The following FOXP2 variants were observed in gnomAD, a reference collection of about 807,000 sequenced individuals.
The protein encoded by FOXP2 is forkhead box protein P2.
In FOXP2, 12 loss-of-function variants were observed where a neutral mutation model predicts 115.8. The observed-to-expected ratio is 0.10, with a 90% CI of 0.07 to 0.17. The LOEUF (loss-of-function observed/expected upper bound fraction) is 0.17, where lower values mean the gene tolerates loss of function less well. FOXP2 is among the 10% of genes least tolerant of loss of function. FOXP2 has a pLI of 1.00. For synonymous variants in FOXP2, 328 were observed against 297.7 expected, an observed-to-expected ratio of 1.10 and a Z score of -1.05; for missense variants, 629 against 843.5, an observed-to-expected ratio of 0.75 and a Z score of 3.15.
chr7:114,234,259 G>A (rs1794955338), intron 1 of FOXP2, among the ~76,000 whole-genome samples: 1 of 152,164 alleles, frequency 6.6e-6, no homozygotes, highest in African/African-American at 2.4e-5. Flanking sequence ...CTCCTCTGTA[G>A]AGAGGTAGTC....
At chr7:114,451,637 G>C (rs759982514) in intron 2 of FOXP2, among the ~76,000 whole-genome samples, 2 of 151,984 alleles carry the variant, frequency 1.3e-5, no homozygotes, top group Non-Finnish European at 2.9e-5. Flanking sequence ...TGCCCGCTTT[G>C]AGCTTACAAC....
intron 3 of FOXP2, among the ~76,000 whole-genome samples, chr7:114,597,065 G>C (rs561134129): frequency 1.7e-4 from 26 of 151,892 alleles, no homozygotes; most frequent in Non-Finnish European, 2.9e-4. Flanking sequence ...GAAAAAATTG[G>C]GGGCTCTTCT....
At chr7:114,506,385 G>A (rs1797819455) in intron 2 of FOXP2, among the ~76,000 whole-genome samples, 1 of 151,418 alleles carries the variant, frequency 6.6e-6, no homozygotes, top group Non-Finnish European at 1.5e-5. Context: ...TAAAACTGAG[G>A]TCTTAATCAT....
chr7:114,466,664 A>G (rs1795811959), intron 2 of FOXP2, among the ~76,000 whole-genome samples: 1 of 152,112 alleles, frequency 6.6e-6, no homozygotes, highest in Non-Finnish European at 1.5e-5. Flanking sequence ...AATCTTAAAC[A>G]TGGAACACTT....
intron 2 of FOXP2, among the ~76,000 whole-genome samples, chr7:114,480,659 G>A (rs576906861): frequency 8.0e-5 from 12 of 149,198 alleles, no homozygotes; most frequent in East Asian, 5.9e-4. Context: ...GTGTGTATAC[G>A]TATATACATG....
At chr7:114,555,690 G>C (rs569696589) in intron 3 of FOXP2, among the ~76,000 whole-genome samples, 1 of 152,104 alleles carries the variant, frequency 6.6e-6, no homozygotes, top group African/African-American at 2.4e-5. Context: ...CCAGCTACAC[G>C]GGAGGCTGAG....
At chr7:114,195,713 G>A (rs1219974244) in intron 1 of FOXP2, among the ~76,000 whole-genome samples, 2 of 151,908 alleles carry the variant, frequency 1.3e-5, no homozygotes, top group Non-Finnish European at 2.9e-5. Flanking sequence ...TCTTCCTAGG[G>A]TTATATTGGT....
chr7:114,151,611 T>A (rs1792530931), intron 1 of FOXP2, among the ~76,000 whole-genome samples: 1 of 152,126 alleles, frequency 6.6e-6, no homozygotes, highest in Non-Finnish European at 1.5e-5. Context: ...GTTCTTTTAT[T>A]TATAATTCAG....
At chr7:114,609,861 T>A (rs1302578098) in intron 3 of FOXP2, among the ~76,000 whole-genome samples, 2 of 152,250 alleles carry the variant, frequency 1.3e-5, no homozygotes, top group Non-Finnish European at 2.9e-5. Flanking sequence ...ATTTACCTTC[T>A]ATTTGAATTT....
intron 2 of FOXP2, among the ~76,000 whole-genome samples, chr7:114,335,399 A>C (rs542377096): frequency 6.6e-6 from 1 of 152,054 alleles, no homozygotes; most frequent in East Asian, 1.9e-4. Flanking sequence ...TTTAGATCAC[A>C]AAGAAACAAT....
chr7:114,589,416 A>G (rs1458267735), intron 3 of FOXP2, among the ~76,000 whole-genome samples: 1 of 152,188 alleles, frequency 6.6e-6, no homozygotes, highest in Non-Finnish European at 1.5e-5. Flanking sequence ...GTTTCACCTT[A>G]GGATCTTCAC....
Position 114,169,013 on chromosome 7 carries a change from C to T in FOXP2, c.-102+5925C>T, listed in dbSNP as rs146248315. ...TCAAGAATTGGGGTTTGGGAACCTC[C>T]GCCTAGATGTCAGAGGACGTGTGGA... On this transcript the variant is annotated intron_variant, in intron 1 of 17. Transcript: ENST00000634411. Among the ~76,000 whole-genome samples the T allele has an allele frequency of 2.7e-3, 408 of 152,304 alleles. 2 individuals carry two copies. Among genetic ancestry groups the T allele is most frequent in the Non-Finnish European group, 3.7e-3 (251 of 68,016 alleles).
chr7:114,236,496 A>G (rs1795009656), intron 1 of FOXP2, among the ~76,000 whole-genome samples: 1 of 152,242 alleles, frequency 6.6e-6, no homozygotes, highest in African/African-American at 2.4e-5. Context: ...TTCTACTTCG[A>G]ATTGTAAATG....
intron 2 of FOXP2, among the ~76,000 whole-genome samples, chr7:114,526,172 T>TAAA (rs3028251): frequency 0.38 from 29,803 of 79,300 alleles, 6,080 homozygotes; most frequent in Admixed American, 0.44. Context: ...GTTTCTTTAT[T>TAAA]AAAAAAAAAA....
At chr7:114,379,919 G>A (rs1022614104) in intron 2 of FOXP2, among the ~76,000 whole-genome samples, 4 of 152,076 alleles carry the variant, frequency 2.6e-5, no homozygotes, top group East Asian at 3.9e-4. Flanking sequence ...TTCCTTCTTC[G>A]GTGGCTAGCC....
intron 2 of FOXP2, among the ~76,000 whole-genome samples, chr7:114,399,133 CAGAG>C (rs935358692): frequency 7.3e-6 from 1 of 137,362 alleles, no homozygotes; most frequent in Non-Finnish European, 1.5e-5. Flanking sequence ...TTTTTTGAGA[CAGAG>C]AGTCCTGTTG....
chr7:114,238,448 A>G (rs952897180), intron 1 of FOXP2, among the ~76,000 whole-genome samples: 3 of 152,200 alleles, frequency 2.0e-5, no homozygotes, highest in African/African-American at 7.2e-5. Flanking sequence ...TTAGGATGAA[A>G]AATAGAAATA....
At chr7:114,256,315 C>T (rs1027691552) in intron 1 of FOXP2, among the ~76,000 whole-genome samples, 2 of 152,122 alleles carry the variant, frequency 1.3e-5, no homozygotes, top group African/African-American at 4.8e-5. Context: ...CCATGTTGAT[C>T]AGGCTGGTCT....
At chr7:114,624,202 T>C (rs1804404898) in intron 3 of FOXP2, among the ~76,000 whole-genome samples, 1 of 151,872 alleles carries the variant, frequency 6.6e-6, no homozygotes, top group Admixed American at 6.6e-5. Context: ...AAATATTTTC[T>C]ATTAACAGTC....
Sources: allele counts gnomAD v4.1 joint callset (sites outside exome capture counted in the v4.1 genomes callset), GRCh38; gene constraint gnomAD v4.1.1; transcripts MANE v1.5; gene names NCBI Gene and HGNC (gene_info 2026-07-23, HGNC 2026-07-21).